UBR3: variants seen among roughly 807,000 people sequenced by gnomAD.
UBR3 encodes the protein ubiquitin protein ligase E3 component n-recognin 3, also known as E3 ubiquitin-protein ligase UBR3.
A neutral mutation model predicts 243.2 loss-of-function variants in UBR3; 85 were observed. That is an observed-to-expected ratio of 0.35 (90% CI 0.29 to 0.42). The LOEUF is 0.42. Ranked by LOEUF, UBR3 falls within the 10% of genes least tolerant of loss-of-function variation. The pLI is 1.00. For missense variants in UBR3, 1,686 were observed against 2,300.8 expected (o/e 0.73, Z 5.47); for synonymous variants, 748 against 799.8 (o/e 0.94, Z 1.09).
intron 11 of UBR3, among the ~76,000 whole-genome samples, chr2:169,922,224 T>G (rs1466224611): frequency 6.6e-6 from 1 of 150,672 alleles, no homozygotes; most frequent in Non-Finnish European, 1.5e-5. Context: ...AGGTGGAGGT[T>G]GCAGCGAACT....
intron 31 of UBR3, among the ~76,000 whole-genome samples, chr2:170,030,487 G>A (rs894046960): frequency 6.6e-6 from 1 of 152,050 alleles, no homozygotes; most frequent in Non-Finnish European, 1.5e-5. Context: ...AGATTGCACA[G>A]TTTTCATTTT....
At chr2:169,930,773 G>T (rs901598727) in intron 18 of UBR3, among the ~76,000 whole-genome samples, 5 of 152,088 alleles carry the variant, frequency 3.3e-5, no homozygotes, top group African/African-American at 1.2e-4. Flanking sequence ...TGGTTTCGGG[G>T]ACTAAGCCTT....
intron 32 of UBR3, among the ~76,000 whole-genome samples, chr2:170,054,283 C>CTT (rs746480476): frequency 2.2e-4 from 31 of 138,916 alleles, no homozygotes; most frequent in African/African-American, 5.0e-4. Flanking sequence ...CCACACCCAG[C>CTT]TTTTTTTTTT....
chr2:169,857,607 A>G (rs147619307), intron 1 of UBR3, among the ~76,000 whole-genome samples: 8,188 of 148,318 alleles, frequency 0.055, 410 homozygotes, highest in African/African-American at 0.14. Context: ...TTTTATTTTT[A>G]GTAGAGGTGG....
At chr2:170,076,734 T>G (rs540678883) in intron 36 of UBR3, among the ~76,000 whole-genome samples, 1 of 152,228 alleles carries the variant, frequency 6.6e-6, no homozygotes, top group African/African-American at 2.4e-5. Flanking sequence ...TTGGATTTGT[T>G]TGAGCAAGGA....
At chr2:170,023,444 CT>C (rs2090445137) in intron 30 of UBR3, among the ~76,000 whole-genome samples, 1 of 151,204 alleles carries the variant, frequency 6.6e-6, no homozygotes, top group Admixed American at 6.6e-5. Context: ...GAGTCTCACT[CT>C]GTTGCCCAGG....
Position 169,928,882 on chromosome 2 carries a change from C to T in UBR3, c.2566+14C>T, listed in dbSNP as rs1372435859. Reference sequence around the variant, plus strand: ...ATACTCCCAAAGGTATGTTTATATACATAAATGGACTCTTTCAAATATCAG... The same window carrying T: ...ATACTCCCAAAGGTATGTTTATATATATAAATGGACTCTTTCAAATATCAG... On this transcript the variant is annotated intron_variant, in intron 18 of 38. Coordinates refer to ENST00000272793, the MANE Select transcript of UBR3 (RefSeq NM_172070.4). 7.3e-7 allele frequency: 1 copy of T among 1,371,886 alleles called. No homozygotes were observed. The allele number at this position is 1,371,886 out of a possible 1,614,324, so 85.0% of individuals were successfully genotyped here. A position where few individuals can be genotyped will look rare whatever the true frequency, so the allele number is the denominator to read the frequency against.
At chr2:169,907,760 C>CT (rs942082730) in intron 10 of UBR3, among the ~76,000 whole-genome samples, 1 of 151,024 alleles carries the variant, frequency 6.6e-6, no homozygotes, top group Non-Finnish European at 1.5e-5. Flanking sequence ...AATTCGTTAT[C>CT]TTTTTTTTTA....
Position 169,878,539 on chromosome 2 carries a change from A to G in UBR3, c.1003A>G (p.Thr335Ala), listed in dbSNP as rs967677330. 1 of 1,551,468 alleles carries G rather than the reference A, an allele frequency of 6.4e-7. No homozygotes were observed. Among genetic ancestry groups the G allele is most frequent in the African/African-American group, 1.4e-5 (1 of 73,176 alleles). ...SLAVQGFIGATGTLGQVDSSD... is the reference protein window; with the variant it reads ...SLAVQGFIGAAGTLGQVDSSD... The stretch of plus-strand genomic sequence containing the variant: ...CTCCTCCAAAGGTTTCATAGGCGCA[A>G]CAGGAACTTTGGGACAAGTGGATTC... The change falls in exon 5 of 39, where the codon ACA becomes GCA. Residue 335 changes from threonine to alanine, a missense_variant. By Grantham distance (58) the Thr-to-Ala change is moderately conservative (BLOSUM62 0). This residue lies in a region of UBR3 where 200 missense variants were observed against 231.6 expected (regional missense o/e 0.86). Coordinates refer to ENST00000272793, the MANE Select transcript of UBR3 (RefSeq NM_172070.4).
intron 35 of UBR3, among the ~76,000 whole-genome samples, chr2:170,072,266 T>C (rs919177761): frequency 3.6e-4 from 55 of 152,180 alleles, no homozygotes; most frequent in African/African-American, 1.3e-3. Flanking sequence ...GTTCATATCC[T>C]TTGTAGGGAC....
intron 8 of UBR3, among the ~76,000 whole-genome samples, chr2:169,901,878 T>C (rs2084836396): frequency 6.6e-6 from 1 of 152,260 alleles, no homozygotes; most frequent in African/African-American, 2.4e-5. Context: ...CCATGTGTTG[T>C]ATGACATAGG....
intron 32 of UBR3, among the ~76,000 whole-genome samples, chr2:170,043,559 T>C (rs1574441365): frequency 1.3e-5 from 2 of 152,320 alleles, no homozygotes. Context: ...TAATCATGCC[T>C]TAAAGTAATA....
intron 35 of UBR3, among the ~76,000 whole-genome samples, chr2:170,063,738 C>T (rs2091498333): frequency 6.6e-6 from 1 of 152,122 alleles, no homozygotes; most frequent in African/African-American, 2.4e-5. Flanking sequence ...ATTTTTCCCA[C>T]ATCGATTTAT....
At chr2:170,020,870 A>G (rs2090371996) in intron 30 of UBR3, among the ~76,000 whole-genome samples, 3 of 152,224 alleles carry the variant, frequency 2.0e-5, no homozygotes, top group African/African-American at 7.2e-5. Flanking sequence ...GTGAAATCAC[A>G]TGATAAATAG....
chr2:169,856,599 G>C (rs1459949632), intron 1 of UBR3, among the ~76,000 whole-genome samples: 3 of 152,218 alleles, frequency 2.0e-5, no homozygotes, highest in African/African-American at 7.2e-5. Flanking sequence ...GGGAGGCCGA[G>C]GCTGGCAGAT....
At chr2:169,953,633 G>T (rs2087136047) in intron 23 of UBR3, among the ~76,000 whole-genome samples, 1 of 152,144 alleles carries the variant, frequency 6.6e-6, no homozygotes, top group East Asian at 1.9e-4. Context: ...TCACAACAAT[G>T]ACATCCCATT....
chr2:169,896,507 G>A lies in UBR3; in HGVS notation c.1237G>A (p.Val413Ile). ...TTCCTTTCTATTAAAATGTTTACAG[G>A]TTGCTTTTACAAAAACTTTTGTTCA... The part of the protein sequence containing the change: ...LNMLPDQEYK[V>I]AFTKTFVQHY... The change falls in exon 8 of 39, where the codon GTT becomes ATT. Residue 413 changes from valine to isoleucine, a missense_variant and splice_region_variant. Coordinates refer to ENST00000272793, the MANE Select transcript of UBR3 (RefSeq NM_172070.4). 6.6e-7 allele frequency: 1 copy of A among 1,515,078 alleles called. No individual in the cohort carries two copies. Among genetic ancestry groups the A allele is most frequent in the East Asian group, 2.5e-5 (1 of 40,216 alleles). The allele number at this position is 1,515,078 out of a possible 1,614,324, so 93.9% of individuals were successfully genotyped here.
At chr2:169,910,751 G>A (rs1439709390) in intron 10 of UBR3, among the ~76,000 whole-genome samples, 1 of 152,162 alleles carries the variant, frequency 6.6e-6, no homozygotes, top group Non-Finnish European at 1.5e-5. Context: ...AAAGTACATG[G>A]CATCATTCTG....
chr2:170,037,011 T>TC (rs754610415), intron 31 of UBR3, among the ~76,000 whole-genome samples: 8 of 152,306 alleles, frequency 5.3e-5, no homozygotes, highest in Non-Finnish European at 8.8e-5. Flanking sequence ...TTTAGAGTTT[T>TC]CTCATGGGAT....
Sources: allele counts gnomAD v4.1 joint callset (sites outside exome capture counted in the v4.1 genomes callset), GRCh38; gene constraint gnomAD v4.1.1; regional missense constraint gnomAD v4.1.1; transcripts MANE v1.5; gene names NCBI Gene and HGNC (gene_info 2026-07-23, HGNC 2026-07-21).